HOXC12: variants seen among roughly 807,000 people sequenced by gnomAD.
HOXC12 encodes homeobox protein Hox-C12.
A neutral mutation model predicts 20.9 loss-of-function variants in HOXC12; 24 were observed. The observed-to-expected ratio is 1.15, with a 90% confidence interval of 0.83 to 1.61. The LOEUF (loss-of-function observed/expected upper bound fraction) is 1.61. HOXC12 is among the 40% of genes most tolerant of loss of function. The pLI, the probability that HOXC12 is intolerant of heterozygous loss-of-function variation, is 0.00. For missense variants in HOXC12, 436 were observed against 406.9 expected (o/e 1.07, Z -0.62); for synonymous variants, 202 against 197.7 (o/e 1.02, Z -0.18).
rs186089788 is a variant in HOXC12, at chr12:53,956,510, C to G, written c.793C>G (p.Arg265Gly). ...DQQVKIWFQN[R>G]RMKKKRLLLR... Reference sequence around the variant, plus strand: ...GCAGGTCAAGATCTGGTTTCAGAACCGGAGAATGAAAAAGAAAAGACTTCT... The same window carrying G: ...GCAGGTCAAGATCTGGTTTCAGAACGGGAGAATGAAAAAGAAAAGACTTCT... The change falls in exon 2 of 2, where the codon CGG (arginine) becomes GGG (glycine). Residue 265 changes from arginine to glycine, a missense_variant. By Grantham distance (125) the Arg-to-Gly change is moderately radical (BLOSUM62 -2). Coordinates refer to ENST00000243103, the MANE Select transcript of HOXC12 (RefSeq NM_173860.3). 6.2e-7 allele frequency: 1 copy of G among 1,613,830 alleles called. No individual in the cohort carries two copies. Among genetic ancestry groups the G allele is most frequent in the South Asian group, 1.1e-5 (1 of 91,030 alleles).
At position 53,956,609 on chromosome 12, in the gene HOXC12, G is replaced by A; in HGVS notation, c.*43G>A. 1 of 1,473,864 alleles carries A rather than the reference G, an allele frequency of 6.8e-7. No individual in the cohort carries two copies. The highest frequency in any genetic ancestry group is 9.2e-7 in the Non-Finnish European group (1 of 1,083,874). 91.3% of individuals were successfully genotyped at this position (1,473,864 alleles called of 1,614,324 possible). A position where few individuals can be genotyped will look rare whatever the true frequency, so the allele number is the denominator to read the frequency against. ...CCAGCCCCAGACTGAGCCTGTCCCT[G>A]GCAGAGAGCAAAAGAGGGCGCCGCC... On this transcript the variant is annotated 3_prime_UTR_variant, in exon 2 of 2. Coordinates refer to ENST00000243103, the MANE Select transcript of HOXC12 (RefSeq NM_173860.3).
At position 53,956,876 on chromosome 12, in the gene HOXC12, C is replaced by A. The variant is rs1418317024; in HGVS notation, c.*310C>A. On this transcript the variant is annotated 3_prime_UTR_variant, in exon 2 of 2. Coordinates refer to ENST00000243103, the MANE Select transcript of HOXC12 (RefSeq NM_173860.3). ...TTGAGGCAGGACTGGGGCACTGCAC[C>A]TCCGCTGAGGATCTGGAGAAGCAGC... 1.2e-5 allele frequency: 3 copies of A among 251,374 alleles called. No homozygotes were observed. The highest frequency in any genetic ancestry group is 2.2e-5 in the Non-Finnish European group (3 of 133,436). The allele number at this position is 251,374 out of a possible 1,614,324, so 15.6% of individuals were successfully genotyped here.
chr12:53,956,231 G>A (rs746091853), intron 1 of HOXC12, 97 bp from the exon 2 acceptor site: 81 of 944,596 alleles, frequency 8.6e-5, no homozygotes, highest in Admixed American at 4.6e-4. Flanking sequence ...GAGTCCAGCT[G>A]TGAGGCGAAG....
Position 53,956,525 on chromosome 12 carries a change from A to T in HOXC12, c.808A>T (p.Lys270Ter). The T allele has an allele frequency of 1.2e-6, 2 of 1,614,002 alleles. No individual in the cohort carries two copies. Among genetic ancestry groups the T allele is most frequent in the Non-Finnish European group, 1.7e-6 (2 of 1,179,950 alleles). Residue 270 changes from lysine to a stop codon, truncating the protein, a stop_gained, in exon 2 of 2, where the codon AAA (lysine) becomes TAA (stop). Coordinates refer to ENST00000243103, the MANE Select transcript of HOXC12 (RefSeq NM_173860.3). LOFTEE classifies it high-confidence loss of function. ...IWFQNRRMKK[K>*]RLLLREQALS... Reference sequence around the variant, plus strand: ...GTTTCAGAACCGGAGAATGAAAAAGAAAAGACTTCTGTTGAGGGAGCAAGC... The same window carrying T: ...GTTTCAGAACCGGAGAATGAAAAAGTAAAGACTTCTGTTGAGGGAGCAAGC...
rs1938873021 is a variant in HOXC12 at position 53,956,651 on chromosome 12, C to G, written c.*85C>G. The G allele has an allele frequency of 1.0e-6, 1 of 975,210 alleles. No homozygotes were observed. Among genetic ancestry groups the G allele is most frequent in the Non-Finnish European group, 1.6e-6 (1 of 644,798 alleles). The allele number at this position is 975,210 out of a possible 1,614,324, so 60.4% of individuals were successfully genotyped here. A position where few individuals can be genotyped will look rare whatever the true frequency, so the allele number is the denominator to read the frequency against. ...GGCGCCGCCTAGAACACAGTCCCCA[C>G]TTAGAACGCCAGGCGTCTCTGGCAG... is the stretch of plus-strand genomic sequence containing the variant. On this transcript the variant is annotated 3_prime_UTR_variant, in exon 2 of 2. Coordinates refer to ENST00000243103, the MANE Select transcript of HOXC12 (RefSeq NM_173860.3).
rs1455027907 is a variant in HOXC12, at chr12:53,955,171, G to A, written c.242G>A (p.Arg81His). 1 of 1,610,598 alleles carries A rather than the reference G, an allele frequency of 6.2e-7. No homozygotes were observed. The highest frequency in any genetic ancestry group is 8.5e-7 in the Non-Finnish European group (1 of 1,178,988). Residue 81 changes from arginine to histidine, a missense_variant, in exon 1 of 2, where the codon CGC becomes CAC. By Grantham distance (29) the Arg-to-His change is conservative. Coordinates refer to ENST00000243103, the MANE Select transcript of HOXC12 (RefSeq NM_173860.3). ...GTGTCTCTCAACCCTCCCTTCGGCC[G>A]CACGTGCGAGCTGGCGCGCGTGGAG... ...SPVSLNPPFG[R>H]TCELARVEDG...
At chr12:53,955,669 G>C (rs1293107849) in intron 1 of HOXC12, 130 bp downstream of exon 1, 1 of 1,074,804 alleles carries the variant, frequency 9.3e-7, no homozygotes, top group Non-Finnish European at 1.2e-6. Flanking sequence ...ATAAAATGAA[G>C]TGCGGGTGGG....
rs2120296 is a variant in HOXC12, at chr12:53,958,861, C to A, written c.*2295C>A. ...TCTCTGTAGTGTAATTCTCCTATTC[C>A]AACGTCTGTCTTTAGCACGTTTTCC... On this transcript the variant is annotated 3_prime_UTR_variant, in exon 2 of 2. Coordinates refer to ENST00000243103, the MANE Select transcript of HOXC12 (RefSeq NM_173860.3). 0.45 allele frequency: 67,917 copies of A among 151,724 alleles called. 15,996 individuals are homozygous for A. The highest frequency in any genetic ancestry group is 0.65 in the East Asian group (3,364 of 5,152). The allele number at this position is 151,724 out of a possible 1,614,324, so 9.4% of individuals were successfully genotyped here.
intron 1 of HOXC12, 129 bp from the exon 2 acceptor site, chr12:53,956,199 G>A (rs1592189810): frequency 1.5e-6 from 1 of 674,936 alleles, no homozygotes; most frequent in South Asian, 2.3e-5. Flanking sequence ...TGGCGGCAAG[G>A]AGAAGGGAGA....
rs1311317977 is a variant in HOXC12 at position 53,955,290 on chromosome 12, G to T, written c.361G>T (p.Gly121Trp). The change falls in exon 1 of 2, where the codon GGG (glycine) becomes TGG (tryptophan). Residue 121 changes from glycine (G) to tryptophan (W), a missense_variant. Physicochemically the swap from Gly to Trp is radical, Grantham distance 184 (BLOSUM62 -2). Transcript: ENST00000243103. ...ERGRDPGAGP[G>W]AALLPLEPSG... Reference sequence around the variant, plus strand: ...CGGGCGCGACCCGGGAGCCGGGCCCGGGGCAGCGCTGCTCCCGCTGGAGCC... The same window carrying T: ...CGGGCGCGACCCGGGAGCCGGGCCCTGGGCAGCGCTGCTCCCGCTGGAGCC... 23 of 1,400,282 alleles carry T rather than the reference G, an allele frequency of 1.6e-5. No individual in the cohort carries two copies. The highest frequency in any genetic ancestry group is 2.0e-5 in the Non-Finnish European group (22 of 1,084,684). 86.7% of individuals were successfully genotyped at this position (1,400,282 alleles called of 1,614,324 possible).
intron 1 of HOXC12, among the ~76,000 whole-genome samples, 180 bp downstream of exon 1, chr12:53,955,719 G>A (rs1003909331): frequency 1.3e-5 from 2 of 152,204 alleles, no homozygotes; most frequent in Non-Finnish European, 2.9e-5. Context: ...CAAAAGAAAT[G>A]GAGAGTGTTC....
chr12:53,956,214 G>A, intron 1 of HOXC12, 114 bp from the exon 2 acceptor site: 1 of 755,752 alleles, frequency 1.3e-6, no homozygotes, highest in South Asian at 2.2e-5. Context: ...GGGAGAGAAA[G>A]GGCCTGGAGT....
chr12:53,955,125 C>T lies in HOXC12; in HGVS notation c.196C>T (p.Gln66Ter), dbSNP rs773801043. 5.6e-6 allele frequency: 9 copies of T among 1,610,832 alleles called. No individual in the cohort carries two copies. Among genetic ancestry groups the T allele is most frequent in the Non-Finnish European group, 7.6e-6 (9 of 1,178,968 alleles). ...PSAEPCNGYPQPYLGSPVSLN... is the reference protein window; with the variant it reads ...PSAEPCNGYP ...GGCGGAGCCGTGCAATGGCTACCCGCAGCCCTACCTCGGCAGCCCAGTGTC... is the reference window on the plus strand; with the variant it reads ...GGCGGAGCCGTGCAATGGCTACCCGTAGCCCTACCTCGGCAGCCCAGTGTC... Residue 66 changes from glutamine to a stop codon, truncating the protein, a stop_gained, in exon 1 of 2, where the codon CAG becomes TAG. Transcript: ENST00000243103. LOFTEE classifies it high-confidence loss of function.
chr12:53,955,372 G>A lies in HOXC12; in HGVS notation c.443G>A (p.Gly148Asp), dbSNP rs1351897499. ...GACTACGCGGCGGGCGGCGGCGGTG[G>A]CGACGGCGGCGGCGGCGCAGGACCT... ...KYDYAAGGGGGDGGGGAGPPH... is the reference protein window; with the variant it reads ...KYDYAAGGGGDDGGGGAGPPH... Residue 148 changes from glycine to aspartate, a missense_variant, in exon 1 of 2, where the codon GGC becomes GAC. Coordinates refer to ENST00000243103, the MANE Select transcript of HOXC12 (RefSeq NM_173860.3). The A allele has an allele frequency of 4.8e-6, 7 of 1,457,428 alleles. No individual in the cohort carries two copies. The highest frequency in any genetic ancestry group is 1.5e-5 in the African/African-American group (1 of 67,718). The allele number at this position is 1,457,428 out of a possible 1,614,324, so 90.3% of individuals were successfully genotyped here. A position where few individuals can be genotyped will look rare whatever the true frequency, so the allele number is the denominator to read the frequency against.
rs1306680118 is a variant in HOXC12, at chr12:53,957,797, T to G, written c.*1231T>G. 6.6e-6 allele frequency: 1 copy of G among 152,042 alleles called. No individual in the cohort carries two copies. The highest frequency in any genetic ancestry group is 1.5e-5 in the Non-Finnish European group (1 of 68,348). The allele number at this position is 152,042 out of a possible 1,614,324, so 9.4% of individuals were successfully genotyped here. ...CATTGCCCTTTGTCTTCAGAAGGGC[T>G]GCCTCCGCCTCCTGGCCTGCAAACC... is the stretch of plus-strand genomic sequence containing the variant. On this transcript the variant is annotated 3_prime_UTR_variant, in exon 2 of 2. Coordinates refer to ENST00000243103, the MANE Select transcript of HOXC12 (RefSeq NM_173860.3).
At position 53,956,666 on chromosome 12, in the gene HOXC12, G is replaced by A. The variant is rs538889124; in HGVS notation, c.*100G>A. ...ACAGTCCCCACTTAGAACGCCAGGC[G>A]TCTCTGGCAGGCCCTCCCTGGATAT... On this transcript the variant is annotated 3_prime_UTR_variant, in exon 2 of 2. Coordinates refer to ENST00000243103, the MANE Select transcript of HOXC12 (RefSeq NM_173860.3). 2.6e-5 allele frequency: 22 copies of A among 849,314 alleles called. No individual in the cohort carries two copies. The highest frequency in any genetic ancestry group is 3.9e-5 in the Non-Finnish European group (21 of 532,606). The allele number at this position is 849,314 out of a possible 1,614,324, so 52.6% of individuals were successfully genotyped here. A position where few individuals can be genotyped will look rare whatever the true frequency, so the allele number is the denominator to read the frequency against.
At position 53,958,131 on chromosome 12, in the gene HOXC12, T is replaced by C. The variant is rs1047141453; in HGVS notation, c.*1565T>C. ...TGGGAGTTAACTGCAGCCTGGACAG[T>C]GTGAAACTGGCCTGCTGGCTTGGAG... On this transcript the variant is annotated 3_prime_UTR_variant, in exon 2 of 2. Transcript: ENST00000243103. The C allele has an allele frequency of 6.6e-6, 1 of 152,260 alleles. No homozygotes were observed. Among genetic ancestry groups the C allele is most frequent in the East Asian group, 1.9e-4 (1 of 5,194 alleles). The allele number at this position is 152,260 out of a possible 1,614,324, so 9.4% of individuals were successfully genotyped here. A position where few individuals can be genotyped will look rare whatever the true frequency, so the allele number is the denominator to read the frequency against.
chr12:53,955,456 A>T lies in HOXC12; in HGVS notation c.527A>T (p.Asn176Ile). Residue 176 changes from asparagine to isoleucine, a missense_variant, in exon 1 of 2, where the codon AAC (asparagine) becomes ATC (isoleucine). Asn to Ile is a moderately radical substitution (Grantham distance 149). Transcript: ENST00000243103. ...LESDSSSSLL[N>I]EGNKGAGAGD... ...TCCGACTCCAGTTCGTCCCTGCTCA[A>T]CGAGGGCAACAAGGGCGCCGGCGCA... 1.3e-6 allele frequency: 2 copies of T among 1,504,958 alleles called. No homozygotes were observed. The highest frequency in any genetic ancestry group is 5.5e-5 in the East Asian group (2 of 36,648). The allele number at this position is 1,504,958 out of a possible 1,614,324, so 93.2% of individuals were successfully genotyped here. A position where few individuals can be genotyped will look rare whatever the true frequency, so the allele number is the denominator to read the frequency against.
At position 53,956,411 on chromosome 12, in the gene HOXC12, G is replaced by A. The variant is rs761878621; in HGVS notation, c.694G>A (p.Glu232Lys). The A allele has an allele frequency of 2.5e-6, 4 of 1,613,758 alleles. No homozygotes were observed. The highest frequency in any genetic ancestry group is 2.5e-6 in the Non-Finnish European group (3 of 1,179,920). Residue 232 changes from glutamate to lysine, a missense_variant, in exon 2 of 2, where the codon GAG becomes AAG. Physicochemically the swap from Glu to Lys is moderately conservative, Grantham distance 56. Coordinates refer to ENST00000243103, the MANE Select transcript of HOXC12 (RefSeq NM_173860.3). ...SKLQLAELEG[E>K]FLVNEFITRQ... Reference sequence around the variant, plus strand: ...GTTGCAACTGGCAGAGCTGGAGGGCGAGTTTCTGGTCAACGAGTTCATCAC... The same window carrying A: ...GTTGCAACTGGCAGAGCTGGAGGGCAAGTTTCTGGTCAACGAGTTCATCAC...
Sources: gnomAD v4.1 joint callset for allele counts (sites outside exome capture counted in the v4.1 genomes callset) on GRCh38, gnomAD v4.1.1 for gene constraint, MANE v1.5 for transcripts, NCBI Gene and HGNC (gene_info 2026-07-23, HGNC 2026-07-21) for gene names.